Variants in CPPED1 observed in about 807,000 individuals in gnomAD.
The protein encoded by CPPED1 is calcineurin like phosphoesterase domain containing 1.
A neutral mutation model predicts 28.0 loss-of-function variants in CPPED1; 28 were observed. The ratio of observed to expected loss-of-function variants is 1.00; its 90% CI spans 0.74 to 1.37. The LOEUF (loss-of-function observed/expected upper bound fraction) is 1.37, where lower values mean the gene tolerates loss of function less well. CPPED1 is among the 40% of genes most tolerant of loss of function. The pLI, the probability that CPPED1 is intolerant of heterozygous loss-of-function variation, is 0.00. For missense variants in CPPED1, 504 were observed against 416.5 expected (o/e 1.21, Z -1.83); for synonymous variants, 198 against 180.2 (o/e 1.10, Z -0.79).
At chr16:12,772,722 T>C (rs35902632) in intron 2 of CPPED1, among the ~76,000 whole-genome samples, 33,427 of 152,110 alleles carry the variant, frequency 0.22, 4,179 homozygotes, top group East Asian at 0.29. Context: ...AAGCCTTCTG[T>C]TTTTAGTGAT....
At chr16:12,758,876 A>G (rs1348525806) in intron 2 of CPPED1, among the ~76,000 whole-genome samples, 1 of 152,100 alleles carries the variant, frequency 6.6e-6, no homozygotes, top group Non-Finnish European at 1.5e-5. Context: ...AACAACAAAA[A>G]TAGAGGCTGG....
chr16:12,667,904 T>A (rs930960499), intron 3 of CPPED1, among the ~76,000 whole-genome samples: 1 of 152,126 alleles, frequency 6.6e-6, no homozygotes, highest in African/African-American at 2.4e-5. Context: ...ACAGGAAACA[T>A]GACAGTTAAT....
At chr16:12,689,377 C>A (rs899342842) in intron 3 of CPPED1, among the ~76,000 whole-genome samples, 14 of 119,184 alleles carry the variant, frequency 1.2e-4, no homozygotes, top group Admixed American at 3.9e-4. Context: ...CAGGTGCACA[C>A]CACCATGCCT....
chr16:12,669,296 T>A (rs1209431051), intron 3 of CPPED1, among the ~76,000 whole-genome samples: 1 of 152,022 alleles, frequency 6.6e-6, no homozygotes, highest in Non-Finnish European at 1.5e-5. Context: ...ATAGAGAAAG[T>A]AGATCAGTGG....
At chr16:12,695,665 G>A (rs1596449315) in intron 3 of CPPED1, among the ~76,000 whole-genome samples, 1 of 152,180 alleles carries the variant, frequency 6.6e-6, no homozygotes, top group Non-Finnish European at 1.5e-5. Flanking sequence ...CCAATCTCCG[G>A]TTTTGGCCAA....
chr16:12,769,773 C>T (rs1472126522), intron 2 of CPPED1, among the ~76,000 whole-genome samples: 3 of 152,108 alleles, frequency 2.0e-5, no homozygotes, highest in Non-Finnish European at 4.4e-5. Flanking sequence ...CAGACAGCCC[C>T]GGCCCATTCC....
chr16:12,706,940 C>T (rs1165921308), intron 2 of CPPED1, among the ~76,000 whole-genome samples: 2 of 152,132 alleles, frequency 1.3e-5, no homozygotes, highest in Non-Finnish European at 2.9e-5. Context: ...GTTCTGCCTG[C>T]ACCAGAAACC....
At chr16:12,744,208 G>A (rs113125101) in intron 2 of CPPED1, among the ~76,000 whole-genome samples, 7,243 of 151,576 alleles carry the variant, frequency 0.048, 598 homozygotes, top group African/African-American at 0.17. Context: ...CCCAGGAGGC[G>A]GAGCTTGCAG....
intron 3 of CPPED1, among the ~76,000 whole-genome samples, chr16:12,688,770 G>A (rs1276912393): frequency 6.6e-5 from 10 of 152,192 alleles, no homozygotes; most frequent in Non-Finnish European, 1.2e-4. Context: ...CAAGGAACAC[G>A]TGGGAACATG....
chr16:12,667,120 AG>A (rs962809419), intron 3 of CPPED1, among the ~76,000 whole-genome samples: 3 of 152,156 alleles, frequency 2.0e-5, no homozygotes, highest in African/African-American at 7.2e-5. Flanking sequence ...AGAAAGAATG[AG>A]GGAAAAACAA....
chr16:12,748,869 C>T (rs916920002), intron 2 of CPPED1, among the ~76,000 whole-genome samples: 116 of 131,270 alleles, frequency 8.8e-4, no homozygotes, highest in African/African-American at 2.9e-3. Flanking sequence ...GACAACAGAG[C>T]GAGACTCCAT....
Position 12,704,993 on chromosome 16 carries a change from C to A in CPPED1, c.346G>T (p.Asp116Tyr). The change falls in exon 3 of 4, where the codon GAC (aspartate) becomes TAC (tyrosine). Residue 116 changes from aspartate to tyrosine, a missense_variant. Asp to Tyr is a radical substitution (Grantham distance 160). Transcript: ENST00000381774. ...EDLKRVLRAV[D>Y]RAIPLVLVSG... ...ACAAGGACCAGTGGGATGGCCCTGT[C>A]CACTGCCCTAAGCACTCGCTTCAGG... 1 of 1,614,218 alleles carries A rather than the reference C, an allele frequency of 6.2e-7. No homozygotes were observed. Among genetic ancestry groups the A allele is most frequent in the Non-Finnish European group, 8.5e-7 (1 of 1,180,042 alleles).
intron 2 of CPPED1, among the ~76,000 whole-genome samples, chr16:12,712,666 G>C (rs1489916655): frequency 6.6e-6 from 1 of 152,164 alleles, no homozygotes; most frequent in East Asian, 1.9e-4. Flanking sequence ...AAGGTTTGGG[G>C]AGCAAGGGTT....
At chr16:12,748,882 C>CAAA (rs35776807) in intron 2 of CPPED1, among the ~76,000 whole-genome samples, 2 of 135,028 alleles carry the variant, frequency 1.5e-5, no homozygotes, top group Non-Finnish European at 3.1e-5. Flanking sequence ...GACTCCATCT[C>CAAA]AAAAAAAAAA....
intron 1 of CPPED1, among the ~76,000 whole-genome samples, chr16:12,796,766 G>A (rs1467235541): frequency 1.3e-5 from 2 of 152,230 alleles, no homozygotes; most frequent in East Asian, 3.9e-4. Flanking sequence ...TTAAGAAGAT[G>A]TGTCTGTGAC....
chr16:12,792,530 A>T (rs561895310), intron 1 of CPPED1, among the ~76,000 whole-genome samples: 1 of 152,114 alleles, frequency 6.6e-6, no homozygotes, highest in Admixed American at 6.5e-5. Flanking sequence ...ATCCCCCCAG[A>T]TAGACCACTA....
intron 2 of CPPED1, among the ~76,000 whole-genome samples, chr16:12,716,727 T>TA (rs2080108931): frequency 6.6e-6 from 1 of 152,168 alleles, no homozygotes; most frequent in Non-Finnish European, 1.5e-5. Flanking sequence ...GCTAGAAACA[T>TA]AAAAATTATT....
intron 3 of CPPED1, among the ~76,000 whole-genome samples, chr16:12,696,266 C>T (rs914271218): frequency 6.6e-5 from 10 of 152,064 alleles, no homozygotes; most frequent in Non-Finnish European, 8.8e-5. Flanking sequence ...TTCTCAAGAA[C>T]GCCCGCAAGA....
intron 2 of CPPED1, among the ~76,000 whole-genome samples, chr16:12,755,281 C>CT (rs35135598): frequency 0.5 from 64,341 of 128,510 alleles, 16,978 homozygotes; most frequent in Admixed American, 0.58. Context: ...AGTATGCATT[C>CT]TTTTTTTTTT....
Sources: gnomAD v4.1 joint callset for allele counts (sites outside exome capture counted in the v4.1 genomes callset) on GRCh38, gnomAD v4.1.1 for gene constraint, MANE v1.5 for transcripts, NCBI Gene and HGNC (gene_info 2026-07-23, HGNC 2026-07-21) for gene names.